Variants in WDR27 observed in about 807,000 individuals in gnomAD.
WDR27 encodes WD repeat domain 27.
Under a neutral mutation model 114.4 loss-of-function variants are expected in WDR27, and 100 were observed. The ratio of observed to expected loss-of-function variants is 0.87; its 90% CI spans 0.74 to 1.03. WDR27 has a LOEUF of 1.03. WDR27 is among the 50% of genes least tolerant of loss of function. The pLI, the probability that WDR27 is intolerant of heterozygous loss-of-function variation, is 0.00. For missense variants in WDR27, 1,129 were observed against 1,092.9 expected (o/e 1.03, Z -0.47); for synonymous variants, 449 against 423.1 (o/e 1.06, Z -0.75).
At chr6:169,478,606 G>A (rs1015854719) in intron 25 of WDR27, among the ~76,000 whole-genome samples, 1 of 151,850 alleles carries the variant, frequency 6.6e-6, no homozygotes, top group Non-Finnish European at 1.5e-5. Flanking sequence ...CACACCTTAT[G>A]TGCCACAACA....
downstream of WDR27, among the ~76,000 whole-genome samples, chr6:169,456,073 C>T (rs1330343093): frequency 6.6e-6 from 1 of 152,084 alleles, no homozygotes; most frequent in Admixed American, 6.5e-5. The surrounding 1 kb of genome is among the most constrained non-coding windows in gnomAD (Gnocchi z 4.0). Flanking sequence ...TTAAATAAGA[C>T]TCTGGGCTTT....
chr6:169,523,508 AT>A (rs1794624322), intron 25 of WDR27, among the ~76,000 whole-genome samples: 1 of 152,140 alleles, frequency 6.6e-6, no homozygotes, highest in Non-Finnish European at 1.5e-5. Context: ...ACAGGCTAAT[AT>A]CCACGATGAA....
At chr6:169,438,050 C>G in the WDR27 span, among the ~76,000 whole-genome samples, 1 of 152,018 alleles carries the variant, frequency 6.6e-6, no homozygotes, top group Non-Finnish European at 1.5e-5. Context: ...CCCATGCCCT[C>G]CTTCTTCACC....
intron 25 of WDR27, among the ~76,000 whole-genome samples, chr6:169,507,892 A>G (rs1036058033): frequency 1.2e-4 from 19 of 152,154 alleles, no homozygotes; most frequent in African/African-American, 4.6e-4. Context: ...TGTGCTAGCC[A>G]CTCTACAGGT....
At chr6:169,598,276 C>A (rs1013881232) in intron 23 of WDR27, among the ~76,000 whole-genome samples, 1 of 152,154 alleles carries the variant, frequency 6.6e-6, no homozygotes, top group Non-Finnish European at 1.5e-5. Context: ...TAACACAATA[C>A]CTGAAACTGC....
intron 24 of WDR27, among the ~76,000 whole-genome samples, chr6:169,580,009 T>C (rs1803106774): frequency 6.6e-6 from 1 of 152,218 alleles, no homozygotes; most frequent in Admixed American, 6.5e-5. Context: ...GTGTGAGCTA[T>C]GCTCTCACCG....
At chr6:169,616,314 C>T (rs1212077731) in intron 21 of WDR27, among the ~76,000 whole-genome samples, 1 of 152,060 alleles carries the variant, frequency 6.6e-6, no homozygotes, top group Non-Finnish European at 1.5e-5. Flanking sequence ...ATGGTGAAAC[C>T]CTGTCTCTAC....
chr6:169,638,771 G>T, intron 17 of WDR27, 111 bp from the exon 18 acceptor site: 1 of 1,352,242 alleles, frequency 7.4e-7, no homozygotes, highest in Non-Finnish European at 1.0e-6. Flanking sequence ...CATTTTTCAA[G>T]TAATTAGGGG....
chr6:169,435,593 C>T, the WDR27 span, among the ~76,000 whole-genome samples: 3 of 152,202 alleles, frequency 2.0e-5, no homozygotes, highest in Non-Finnish European at 4.4e-5. Context: ...TTTGACTGCC[C>T]CACTGGATTT....
chr6:169,469,433 A>G (rs1786047177), intron 25 of WDR27, among the ~76,000 whole-genome samples: 3 of 152,198 alleles, frequency 2.0e-5, no homozygotes, highest in Admixed American at 1.3e-4. Context: ...AGGTTTGAGA[A>G]AAACCCTCTC....
chr6:169,592,099 TC>T (rs769422768), intron 23 of WDR27, among the ~76,000 whole-genome samples: 1 of 152,124 alleles, frequency 6.6e-6, no homozygotes, highest in Non-Finnish European at 1.5e-5. Context: ...CGAAAGGCTT[TC>T]CAACAGAGGT....
At position 169,658,305 on chromosome 6, in the gene WDR27, C is replaced by G. The variant is rs748987381; in HGVS notation, c.1373G>C (p.Ser458Thr). ...PLYLGIAKEK[S>T]TKAASEQRRA... Reference sequence around the variant, plus strand: ...TCGCTGTTCACTAGCAGCCTTGGTACTCTTCTCCTTGGCAATTCCCAGATA... The same window carrying G: ...TCGCTGTTCACTAGCAGCCTTGGTAGTCTTCTCCTTGGCAATTCCCAGATA... The change falls in exon 13 of 26, where the codon AGT (serine) becomes ACT (threonine). Residue 458 changes from serine to threonine, a missense_variant. Coordinates refer to ENST00000448612, the MANE Select transcript of WDR27 (RefSeq NM_182552.5). The G allele has an allele frequency of 5.0e-6, 8 of 1,601,962 alleles. No homozygotes were observed. Among genetic ancestry groups the G allele is most frequent in the Non-Finnish European group, 6.0e-6 (7 of 1,174,672 alleles).
chr6:169,696,637 G>A (rs58640575), intron 1 of WDR27, among the ~76,000 whole-genome samples: 14,714 of 152,246 alleles, frequency 0.097, 1,591 homozygotes, highest in African/African-American at 0.26. Context: ...AGCAGACGCC[G>A]GGCACAGTGG....
chr6:169,660,688 T>C lies in WDR27; in HGVS notation c.1104A>G (p.Glu368=). The change falls in exon 10 of 26, where the codon GAA becomes GAG. Residue 368 remains glutamate (E), a synonymous_variant. Transcript: ENST00000448612. The part of the protein sequence containing the change: ...GLFVFNLANL[E]VEAALYYKDF... ...CCTTGTAATACAAAGCAGCTTCCAC[T>C]TCCAGGTTTGCCAGGTTAAATACGA... is the stretch of plus-strand genomic sequence containing the variant. The C allele has an allele frequency of 6.2e-7, 1 of 1,613,958 alleles. No individual in the cohort carries two copies. Among genetic ancestry groups the C allele is most frequent in the African/African-American group, 1.3e-5 (1 of 75,070 alleles).
intron 25 of WDR27, among the ~76,000 whole-genome samples, chr6:169,500,579 G>A (rs1791052574): frequency 6.6e-6 from 1 of 152,194 alleles, no homozygotes; most frequent in Admixed American, 6.5e-5. Flanking sequence ...AGCAGAAGTG[G>A]CAGGTAGTGC....
intron 19 of WDR27, among the ~76,000 whole-genome samples, chr6:169,635,475 C>T (rs1204732134): frequency 6.6e-6 from 1 of 152,214 alleles, no homozygotes. Flanking sequence ...TCCTGGAGCC[C>T]TTCCTCTGCA....
intron 15 of WDR27, 78 bp downstream of exon 15, chr6:169,649,120 T>C (rs1463412435): frequency 1.3e-5 from 16 of 1,230,862 alleles, no homozygotes; most frequent in Non-Finnish European, 1.6e-5. Flanking sequence ...TTATATCTGT[T>C]TGGAAAAGAA....
At chr6:169,612,830 T>G (rs936585570) in intron 22 of WDR27, among the ~76,000 whole-genome samples, 1 of 152,176 alleles carries the variant, frequency 6.6e-6, no homozygotes, top group Admixed American at 6.5e-5. Flanking sequence ...CAATGTGATA[T>G]GGTCAGTCAC....
chr6:169,552,733 G>A (rs945596555), intron 25 of WDR27, among the ~76,000 whole-genome samples: 2 of 152,128 alleles, frequency 1.3e-5, no homozygotes, highest in Non-Finnish European at 2.9e-5. Context: ...TTTAAACATT[G>A]TTAGTGGAAT....
Sources: gnomAD v4.1 joint callset for allele counts (sites outside exome capture counted in the v4.1 genomes callset) on GRCh38, gnomAD v4.1.1 for gene constraint, Gnocchi (gnomAD v3.1) non-coding constraint, MANE v1.5 for transcripts, NCBI Gene and HGNC (gene_info 2026-07-23, HGNC 2026-07-21) for gene names.